Variants in HYPK observed in about 807,000 individuals in gnomAD.
The protein encoded by HYPK is huntingtin-interacting protein K.
A neutral mutation model predicts 13.9 loss-of-function variants in HYPK; 9 were observed. That is an observed-to-expected ratio of 0.65 (90% CI 0.39 to 1.13). HYPK has a LOEUF of 1.13. Ranked by LOEUF, HYPK falls within the 50% of genes most tolerant of loss-of-function variation. HYPK has a pLI of 0.01. For missense variants in HYPK, 138 were observed against 157.6 expected (o/e 0.88, Z 0.67); for synonymous variants, 76 against 57.0 (o/e 1.33, Z -1.50).
chr15:43,801,470 A>G, intron 2 of HYPK, 48 bp from the exon 3 acceptor site: 1 of 1,486,250 alleles, frequency 6.7e-7, no homozygotes, highest in Non-Finnish European at 9.4e-7. Flanking sequence ...CTGGGAGTTT[A>G]TGGTGTTGGT....
rs201392337 is a variant in HYPK, at chr15:43,801,854, AT to A, written c.*57del. The A allele has an allele frequency of 2.3e-4, 354 of 1,549,314 alleles. 3 individuals carry two copies. The highest frequency in any genetic ancestry group is 2.1e-3 in the South Asian group (186 of 89,254). ...TACTGGATTAATTTATGGCAATAAA[AT>A]TTTTTTTTGTCTTTTTCAGTTTTAT... On this transcript the variant is annotated 3_prime_UTR_variant, in exon 4 of 4. Transcript: ENST00000442995.
chr15:43,800,667 C>G lies in HYPK; in HGVS notation c.45C>G (p.Thr15=), dbSNP rs770722705. The G allele has an allele frequency of 6.2e-7, 1 of 1,614,072 alleles. No homozygotes were observed. Among genetic ancestry groups the G allele is most frequent in the East Asian group, 2.2e-5 (1 of 44,862 alleles). The change falls in exon 1 of 4, where the codon ACC becomes ACG. Residue 15 remains threonine, a synonymous_variant. Coordinates refer to ENST00000442995, the MANE Select transcript of HYPK (RefSeq NM_016400.4). The part of the protein sequence containing the change: ...GDVELELETE[T]SGPERPPEKP... ...TGGAGCTGGAGTTGGAGACTGAGAC[C>G]AGTGGACCAGAGCGGCCTCCGGAGA... is the stretch of plus-strand genomic sequence containing the variant.
At chr15:43,800,495 C>T (rs370776470), upstream of HYPK, 4 of 1,275,872 alleles carry the variant, frequency 3.1e-6, no homozygotes, top group East Asian at 2.5e-5. Flanking sequence ...CTCCCTGAAG[C>T]TTCTAGAACT....
chr15:43,802,043 C>T lies in HYPK; in HGVS notation c.*237C>T. 3.8e-6 allele frequency: 2 copies of T among 533,136 alleles called. No individual in the cohort carries two copies. Among genetic ancestry groups the T allele is most frequent in the Non-Finnish European group, 6.7e-6 (2 of 297,426 alleles). The allele number at this position is 533,136 out of a possible 1,614,324, so 33.0% of individuals were successfully genotyped here. A position where few individuals can be genotyped will look rare whatever the true frequency, so the allele number is the denominator to read the frequency against. ...CAGATGCTAGGTGGCAGGCCAGTCT[C>T]ATTCATCTGACTAGCTCTCAACAGT... On this transcript the variant is annotated 3_prime_UTR_variant, in exon 4 of 4. Coordinates refer to ENST00000442995, the MANE Select transcript of HYPK (RefSeq NM_016400.4).
At chr15:43,801,261 T>TA (rs1382569521) in intron 2 of HYPK, 74 bp downstream of exon 2, 2 of 1,255,906 alleles carry the variant, frequency 1.6e-6, no homozygotes, top group Non-Finnish European at 1.2e-6. Flanking sequence ...AAACCATTAT[T>TA]AAGCCTTTAT....
In HYPK at chr15:43,800,646, G is replaced by A. The variant is rs779983176; in HGVS notation, c.24G>A (p.Glu8=). Residue 8 remains glutamate, a synonymous_variant, in exon 1 of 4, where the codon GAG becomes GAA. Transcript: ENST00000442995. MATEGDV[E]LELETETSGP... is the part of the protein sequence containing the mutation. ...ATATGGCGACCGAGGGGGATGTGGAGCTGGAGTTGGAGACTGAGACCAGTG... is the reference window on the plus strand; with the variant it reads ...ATATGGCGACCGAGGGGGATGTGGAACTGGAGTTGGAGACTGAGACCAGTG... 5 of 1,614,184 alleles carry A rather than the reference G, an allele frequency of 3.1e-6. No individual in the cohort carries two copies. The South Asian group carries it at 3.3e-5, about 11-fold the overall frequency.
In HYPK at chr15:43,803,587, T is replaced by A. The variant is rs2087341003; in HGVS notation, c.*1781T>A. On this transcript the variant is annotated 3_prime_UTR_variant, in exon 4 of 4. Coordinates refer to ENST00000442995, the MANE Select transcript of HYPK (RefSeq NM_016400.4). ...GGTGGATCACCTGGGATCAGGAGTTTGAGACGAGCCTGGCCAAAATGGTGA... is the reference window on the plus strand; with the variant it reads ...GGTGGATCACCTGGGATCAGGAGTTAGAGACGAGCCTGGCCAAAATGGTGA... Among the ~76,000 whole-genome samples, 1 of 151,922 alleles carries A rather than the reference T, an allele frequency of 6.6e-6. No individual in the cohort carries two copies. The highest frequency in any genetic ancestry group is 2.4e-5 in the African/African-American group (1 of 41,336).
rs2087331570 is a variant in HYPK, at chr15:43,802,627, A to G, written c.*821A>G. The G allele has an allele frequency of 6.7e-6, 1 of 148,954 alleles. No homozygotes were observed. The highest frequency in any genetic ancestry group is 1.5e-5 in the Non-Finnish European group (1 of 67,696). The allele number at this position is 148,954 out of a possible 1,614,324, so 9.2% of individuals were successfully genotyped here. On this transcript the variant is annotated 3_prime_UTR_variant, in exon 4 of 4. Coordinates refer to ENST00000442995, the MANE Select transcript of HYPK (RefSeq NM_016400.4). ...AGTGGCTCACACCTGTAATCCCAGC[A>G]CTTTGGGAGGCTGAGGCAGTCGGAT... is the stretch of plus-strand genomic sequence containing the variant.
chr15:43,800,633 A>T lies in HYPK; in HGVS notation c.11A>T (p.Glu4Val). The T allele has an allele frequency of 6.2e-7, 1 of 1,614,044 alleles. No individual in the cohort carries two copies. The highest frequency in any genetic ancestry group is 8.5e-7 in the Non-Finnish European group (1 of 1,180,010). MAT[E>V]GDVELELETE... ...CGTGGTGAAATAGATATGGCGACCG[A>T]GGGGGATGTGGAGCTGGAGTTGGAG... Residue 4 changes from glutamate to valine, a missense_variant, in exon 1 of 4, where the codon GAG (glutamate) becomes GTG (valine). Physicochemically the swap from Glu to Val is moderately radical, Grantham distance 121 (BLOSUM62 -2). Transcript: ENST00000442995.
rs2141699929 is a variant in HYPK, at chr15:43,801,518, G to A, written c.219G>A (p.Arg73=). 6.2e-7 allele frequency: 1 copy of A among 1,612,874 alleles called. No individual in the cohort carries two copies. Among genetic ancestry groups the A allele is most frequent in the Admixed American group, 1.7e-5 (1 of 60,004 alleles). Residue 73 remains arginine, a splice_region_variant and synonymous_variant, in exon 3 of 4, where the codon CGG becomes CGA. Coordinates refer to ENST00000442995, the MANE Select transcript of HYPK (RefSeq NM_016400.4). ...CTAATATATTTAAATATTTTTGCAG[G>A]GAGAAAGAACTGGCAAAAGTCACTA... ...RSREQKAKQE[R]EKELAKVTIK...
chr15:43,803,666 C>T lies in HYPK; in HGVS notation c.*1860C>T, dbSNP rs761634812. On this transcript the variant is annotated 3_prime_UTR_variant, in exon 4 of 4. Transcript: ENST00000442995. ...AAAATTAGCTGGGTGTGGTGGTGGA[C>T]GCCTGTAATTCCAGCTACTAGGGAG... Among the ~76,000 whole-genome samples, 6 of 151,486 alleles carry T rather than the reference C, an allele frequency of 4.0e-5. No homozygotes were observed. Among genetic ancestry groups the T allele is most frequent in the South Asian group, 2.1e-4 (1 of 4,798 alleles).
At chr15:43,800,888 C>A in intron 1 of HYPK, 104 bp downstream of exon 1, 2 of 1,153,148 alleles carry the variant, frequency 1.7e-6, no homozygotes, top group Non-Finnish European at 2.4e-6. Context: ...ATCCCGTTGG[C>A]AGGAGGAGGC....
chr15:43,804,243 G>C lies in HYPK; in HGVS notation c.*2437G>C, dbSNP rs1206367649. Among the ~76,000 whole-genome samples, 1 of 152,154 alleles carries C rather than the reference G, an allele frequency of 6.6e-6. No individual in the cohort carries two copies. Among genetic ancestry groups the C allele is most frequent in the Non-Finnish European group, 1.5e-5 (1 of 68,038 alleles). On this transcript the variant is annotated 3_prime_UTR_variant, in exon 4 of 4. Transcript: ENST00000442995. The stretch of plus-strand genomic sequence containing the variant: ...TTCTTAGATTGTATCCCACACAACA[G>C]TGACTTGTACCTGTGTTCATCTTTA...
In HYPK at chr15:43,800,633, AG is replaced by A; in HGVS notation, c.16del (p.Asp6MetfsTer53). The A allele has an allele frequency of 1.2e-6, 2 of 1,614,044 alleles. No individual in the cohort carries two copies. The highest frequency in any genetic ancestry group is 1.7e-6 in the Non-Finnish European group (2 of 1,180,010). ...CGTGGTGAAATAGATATGGCGACCGAGGGGGATGTGGAGCTGGAGTTGGAGA... is the reference window on the plus strand; with the variant it reads ...CGTGGTGAAATAGATATGGCGACCGAGGGGATGTGGAGCTGGAGTTGGAGA... MATEGDVELELETE... is the reference protein window; with the variant it reads MATXGDVELELETE... On this transcript the variant is annotated frameshift_variant, in exon 1 of 4. Transcript: ENST00000442995. LOFTEE classifies it high-confidence loss of function.
In HYPK at chr15:43,801,715, C is replaced by G; in HGVS notation, c.275C>G (p.Thr92Ser). 6.2e-7 allele frequency: 1 copy of G among 1,614,166 alleles called. No homozygotes were observed. Among genetic ancestry groups the G allele is most frequent in the African/African-American group, 1.3e-5 (1 of 75,050 alleles). ...IKKEDLELIMTEMEISRAAAE... is the reference protein window; with the variant it reads ...IKKEDLELIMSEMEISRAAAE... Reference sequence around the variant, plus strand: ...TAACATGATTTTTTTCTGCAGATGACTGAGATGGAGATATCTCGAGCAGCA... The same window carrying G: ...TAACATGATTTTTTTCTGCAGATGAGTGAGATGGAGATATCTCGAGCAGCA... The change falls in exon 4 of 4, where the codon ACT (threonine) becomes AGT (serine). Residue 92 changes from threonine (T) to serine (S), a missense_variant. Thr to Ser is a moderately conservative substitution (Grantham distance 58). This residue lies in a region of HYPK where 91 missense variants were observed against 96.8 expected (regional missense o/e 0.94). Coordinates refer to ENST00000442995, the MANE Select transcript of HYPK (RefSeq NM_016400.4).
In HYPK at chr15:43,803,051, G is replaced by C. The variant is rs2087336476; in HGVS notation, c.*1245G>C. ...CGCGCTCCCCCCACCACCAAAAAAA[G>C]AATTTAGGTACCTGAGGGTTAGAAC... On this transcript the variant is annotated 3_prime_UTR_variant, in exon 4 of 4. Coordinates refer to ENST00000442995, the MANE Select transcript of HYPK (RefSeq NM_016400.4). The C allele has an allele frequency of 6.6e-6, 1 of 151,994 alleles. No individual in the cohort carries two copies. The highest frequency in any genetic ancestry group is 1.5e-5 in the Non-Finnish European group (1 of 68,084). The allele number at this position is 151,994 out of a possible 1,614,324, so 9.4% of individuals were successfully genotyped here. A position where few individuals can be genotyped will look rare whatever the true frequency, so the allele number is the denominator to read the frequency against.
Position 43,802,569 on chromosome 15 carries a change from C to CAAAAAAAAAAACAAAAAAAAA in HYPK, c.*774_*775insCAAAAAAAAAAAAAAAAAAAA, listed in dbSNP as rs2087330324. On this transcript the variant is annotated 3_prime_UTR_variant, in exon 4 of 4. Transcript: ENST00000442995. ...TGGGGGAAAGAGTGAAACTCCATCTCAAAAAAAAAAAAAAAAAAAAAAGCC... is the reference window on the plus strand; with the variant it reads ...TGGGGGAAAGAGTGAAACTCCATCTCAAAAAAAAAAACAAAAAAAAAAAAAAAAAAAAAAAAAAAAAAAGCC... The CAAAAAAAAAAACAAAAAAAAA allele has an allele frequency of 3.5e-5, 1 of 28,972 alleles. No homozygotes were observed. The highest frequency in any genetic ancestry group is 1.8e-4 in the African/African-American group (1 of 5,646). 1.8% of individuals were successfully genotyped at this position (28,972 alleles called of 1,614,324 possible).
Position 43,801,722 on chromosome 15 carries a change from G to C in HYPK, c.282G>C (p.Met94Ile). Residue 94 changes from methionine (M) to isoleucine (I), a missense_variant, in exon 4 of 4, where the codon ATG (methionine) becomes ATC (isoleucine). Physicochemically the swap from Met to Ile is conservative, Grantham distance 10. This residue lies in a region of HYPK where 91 missense variants were observed against 96.8 expected (regional missense o/e 0.94). Coordinates refer to ENST00000442995, the MANE Select transcript of HYPK (RefSeq NM_016400.4). ...ATTTTTTTCTGCAGATGACTGAGATGGAGATATCTCGAGCAGCAGCAGAAC... is the reference window on the plus strand; with the variant it reads ...ATTTTTTTCTGCAGATGACTGAGATCGAGATATCTCGAGCAGCAGCAGAAC... ...KEDLELIMTE[M>I]EISRAAAERS... 6.2e-7 allele frequency: 1 copy of C among 1,614,170 alleles called. No individual in the cohort carries two copies. The highest frequency in any genetic ancestry group is 8.5e-7 in the Non-Finnish European group (1 of 1,180,024).
chr15:43,800,615 A>G lies in HYPK; in HGVS notation c.-8A>G. ...GTGGGGCTTATGCGGCGGCGTGGTG[A>G]AATAGATATGGCGACCGAGGGGGAT... On this transcript the variant is annotated 5_prime_UTR_variant, in exon 1 of 4. Coordinates refer to ENST00000442995, the MANE Select transcript of HYPK (RefSeq NM_016400.4). 6.2e-7 allele frequency: 1 copy of G among 1,614,130 alleles called. No individual in the cohort carries two copies. The highest frequency in any genetic ancestry group is 1.3e-5 in the African/African-American group (1 of 75,042).
Sources: gnomAD v4.1 joint callset for allele counts (sites outside exome capture counted in the v4.1 genomes callset) on GRCh38, gnomAD v4.1.1 for gene constraint, gnomAD v4.1.1 regional missense constraint, MANE v1.5 for transcripts, NCBI Gene and HGNC (gene_info 2026-07-23, HGNC 2026-07-21) for gene names.